Variants in PACS1 observed in about 807,000 individuals in gnomAD.
PACS1 encodes the protein phosphofurin acidic cluster sorting protein 1.
PACS1 carries 24 observed loss-of-function variants against 115.0 expected under a neutral mutation model. That is an observed-to-expected ratio of 0.21 (90% CI 0.15 to 0.29). PACS1 has a LOEUF of 0.29. Among genes scored for constraint, PACS1 ranks in the 10% least tolerant of loss-of-function variants. The pLI is 1.00. For synonymous variants in PACS1, 453 were observed against 504.5 expected (o/e 0.90, Z 1.37); for missense variants, 838 against 1,251.2 (o/e 0.67, Z 4.98).
intron 1 of PACS1, among the ~76,000 whole-genome samples, chr11:66,139,450 T>A (rs908579363): frequency 1.5e-4 from 23 of 152,074 alleles, no homozygotes; most frequent in Non-Finnish European, 3.2e-4. Context: ...CTTTTTTTTT[T>A]AATCCATTAG....
chr11:66,196,941 GC>G (rs1854664632), intron 2 of PACS1, among the ~76,000 whole-genome samples: 1 of 152,104 alleles, frequency 6.6e-6, no homozygotes, highest in Non-Finnish European at 1.5e-5. Flanking sequence ...TGGAAAACTT[GC>G]TTCTGTCACT....
intron 21 of PACS1, 57 bp from the exon 22 acceptor site, chr11:66,241,370 T>G: frequency 7.4e-7 from 1 of 1,353,034 alleles, no homozygotes; most frequent in Non-Finnish European, 1.0e-6. Context: ...CCATCAGGCC[T>G]ATGTAGTTGG....
chr11:66,241,952 C>T (rs1165456095), intron 22 of PACS1, among the ~76,000 whole-genome samples: 2 of 152,166 alleles, frequency 1.3e-5, no homozygotes, highest in Admixed American at 6.5e-5. Flanking sequence ...CACTGCTGTC[C>T]GGGATGGACT....
At position 66,243,205 on chromosome 11, in the gene PACS1, C is replaced by T. The variant is rs1358328964; in HGVS notation, c.2817C>T (p.Phe939=). ...TCGAGTGGAGTGACATCAAGTTCTT[C>T]CAGCTGGCAGCCCAGTGGCCCACCC... is the stretch of plus-strand genomic sequence containing the variant. ...DGVEWSDIKF[F]QLAAQWPTHV... is the part of the protein sequence containing the mutation. Residue 939 remains phenylalanine (F), a synonymous_variant, in exon 24 of 24, where the codon TTC becomes TTT. Transcript: ENST00000320580. 1 of 1,613,460 alleles carries T rather than the reference C, an allele frequency of 6.2e-7. No homozygotes were observed. Among genetic ancestry groups the T allele is most frequent in the African/African-American group, 1.3e-5 (1 of 74,882 alleles).
intron 1 of PACS1, among the ~76,000 whole-genome samples, chr11:66,109,786 T>C (rs1858145685): frequency 6.6e-6 from 1 of 152,232 alleles, no homozygotes; most frequent in African/African-American, 2.4e-5. Context: ...TCTCCTCATC[T>C]CCTCGCTTTC....
chr11:66,122,526 C>A (rs569624035), intron 1 of PACS1, among the ~76,000 whole-genome samples: 2 of 152,342 alleles, frequency 1.3e-5, no homozygotes, highest in Non-Finnish European at 2.9e-5. Flanking sequence ...AAATTTAAAA[C>A]CTTCTGGAAG....
chr11:66,075,340 A>G (rs1857376516), intron 1 of PACS1, among the ~76,000 whole-genome samples: 1 of 151,936 alleles, frequency 6.6e-6, no homozygotes, highest in Non-Finnish European at 1.5e-5. Flanking sequence ...TCCTGGGCTC[A>G]AGCATTCCTC....
intron 8 of PACS1, 116 bp downstream of exon 8, chr11:66,219,921 C>T: frequency 1.2e-6 from 1 of 833,360 alleles, no homozygotes; most frequent in Non-Finnish European, 2.1e-6. Context: ...ATTAATATTC[C>T]TGCTCCCCGT....
chr11:66,114,995 AG>A (rs1349773693), intron 1 of PACS1, among the ~76,000 whole-genome samples: 2 of 151,950 alleles, frequency 1.3e-5, no homozygotes, highest in African/African-American at 2.4e-5. Flanking sequence ...ATTTGCACCC[AG>A]GAGTCAGAGA....
In PACS1 at chr11:66,151,867, G is replaced by T. The variant is rs1859249354; in HGVS notation, c.357-41619G>T. On this transcript the variant is annotated intron_variant, in intron 1 of 23. Transcript: ENST00000320580. ...AAGGAAAAATAAGTGAACAGATAGA[G>T]AAATTGTAACAAAGAAATGGAAAGT... 5.3e-5 allele frequency among the ~76,000 whole-genome samples: 8 copies of T among 152,154 alleles called. No homozygotes were observed. The South Asian group carries it at 1.7e-3, about 31-fold the overall frequency.
intron 1 of PACS1, among the ~76,000 whole-genome samples, chr11:66,120,305 C>T (rs553813573): frequency 2.4e-4 from 36 of 152,136 alleles, no homozygotes; most frequent in African/African-American, 8.4e-4. Context: ...CATTATTGGC[C>T]AGGCTGTTCT....
chr11:66,177,570 C>T (rs1859896409), intron 1 of PACS1, among the ~76,000 whole-genome samples: 1 of 152,118 alleles, frequency 6.6e-6, no homozygotes, highest in Non-Finnish European at 1.5e-5. Context: ...CCTACTCTAT[C>T]CTTCTATTAA....
intron 10 of PACS1, among the ~76,000 whole-genome samples, chr11:66,223,928 T>C (rs908668716): frequency 3.9e-5 from 6 of 152,158 alleles, no homozygotes; most frequent in Non-Finnish European, 4.4e-5. Context: ...GCGGACACGG[T>C]GGCTCAAACC....
chr11:66,117,554 A>G (rs990926025), intron 1 of PACS1, among the ~76,000 whole-genome samples: 2 of 151,870 alleles, frequency 1.3e-5, no homozygotes, highest in African/African-American at 4.8e-5. Flanking sequence ...TGATTAAAAG[A>G]TGTTTGTTAT....
intron 4 of PACS1, among the ~76,000 whole-genome samples, chr11:66,211,594 C>G (rs1335740793): frequency 6.6e-6 from 1 of 152,176 alleles, no homozygotes; most frequent in Non-Finnish European, 1.5e-5. Flanking sequence ...TTCATATGCT[C>G]TCCTCATAGA....
chr11:66,240,054 ACAGT>A (rs1231008128), intron 21 of PACS1, among the ~76,000 whole-genome samples: 1 of 152,094 alleles, frequency 6.6e-6, no homozygotes, highest in East Asian at 1.9e-4. Context: ...TCCTTTGGTG[ACAGT>A]CAGAGGGCCT....
chr11:66,134,111 G>GAAATCCCC (rs1858771920), intron 1 of PACS1, among the ~76,000 whole-genome samples: 1 of 151,960 alleles, frequency 6.6e-6, no homozygotes, highest in Non-Finnish European at 1.5e-5. Context: ...TGTGCTCCCT[G>GAAATCCCC]AAATCCCCAT....
chr11:66,189,980 A>T (rs1854479978), intron 1 of PACS1, among the ~76,000 whole-genome samples: 1 of 152,180 alleles, frequency 6.6e-6, no homozygotes, highest in Non-Finnish European at 1.5e-5. Context: ...GTTTTATCTG[A>T]TGTCTACTGT....
chr11:66,172,894 T>C (rs2134642136), intron 1 of PACS1, among the ~76,000 whole-genome samples: 1 of 150,096 alleles, frequency 6.7e-6, no homozygotes, highest in Admixed American at 6.7e-5. Context: ...GAGAATCGCT[T>C]GAACCCGGGA....
Sources: allele counts gnomAD v4.1 joint callset (sites outside exome capture counted in the v4.1 genomes callset), GRCh38; gene constraint gnomAD v4.1.1; transcripts MANE v1.5; gene names NCBI Gene and HGNC (gene_info 2026-07-23, HGNC 2026-07-21).